The following PLEKHH2 variants were observed in gnomAD, a reference collection of about 807,000 sequenced individuals.
The protein encoded by PLEKHH2 is pleckstrin homology domain-containing family H member 2.
A neutral mutation model predicts 187.9 loss-of-function variants in PLEKHH2; 129 were observed. The ratio of observed to expected loss-of-function variants is 0.69; its 90% confidence interval spans 0.59 to 0.79. PLEKHH2 has a LOEUF of 0.79. Ranked by LOEUF, PLEKHH2 falls within the 30% of genes least tolerant of loss-of-function variation. The probability of loss-of-function intolerance (pLI) is 0.00; values close to 1 mark genes in which losing one functional copy is unlikely to be tolerated. For synonymous variants in PLEKHH2, 686 were observed against 605.6 expected (o/e 1.13, Z -1.95); for missense variants, 2,076 against 1,751.2 (o/e 1.19, Z -3.31).
chr2:43,680,979 T>A (rs1449083047), intron 3 of PLEKHH2: 1 of 1,160,518 alleles, frequency 8.6e-7, no homozygotes, highest in Admixed American at 2.5e-5. Flanking sequence ...CTAGTTTCCG[T>A]TACTGTTGTT....
chr2:43,753,731 G>A lies in PLEKHH2; in HGVS notation c.3766G>A (p.Ala1256Thr). Residue 1256 changes from alanine (A) to threonine (T), a missense_variant, in exon 25 of 30, where the codon GCA becomes ACA. Physicochemically the swap from Ala to Thr is moderately conservative, Grantham distance 58 (BLOSUM62 0). Transcript: ENST00000282406. ...ACTTTTTCCTCTGAACAAAGATCTG[G>A]CATTAGAAATGGCAGCTCTTTTATC... The part of the protein sequence containing the change: ...NGLFPLNKDL[A>T]LEMAALLSQV... The A allele has an allele frequency of 6.3e-7, 1 of 1,576,946 alleles. No homozygotes were observed. The highest frequency in any genetic ancestry group is 8.6e-7 in the Non-Finnish European group (1 of 1,166,024).
chr2:43,656,241 G>T (rs1430949682), intron 2 of PLEKHH2, among the ~76,000 whole-genome samples: 1 of 152,208 alleles, frequency 6.6e-6, no homozygotes, highest in East Asian at 1.9e-4. Context: ...ACAGGCATGA[G>T]TCACTGTGCC....
At chr2:43,746,533 TAC>T (rs10535859) in intron 24 of PLEKHH2, among the ~76,000 whole-genome samples, 64,363 of 150,254 alleles carry the variant, frequency 0.43, 16,683 homozygotes, top group African/African-American at 0.74. Flanking sequence ...AAACAAAAAA[TAC>T]ACACACACAC....
intron 3 of PLEKHH2, among the ~76,000 whole-genome samples, chr2:43,688,484 T>C (rs758395798): frequency 3.3e-5 from 5 of 152,200 alleles, no homozygotes; most frequent in South Asian, 4.1e-4. Flanking sequence ...TGATTATGTA[T>C]AGTGGACAGG....
rs981250432 is a variant in PLEKHH2 at position 43,692,716 on chromosome 2, A to G, written c.336+53A>G. 28 of 1,530,994 alleles carry G rather than the reference A, an allele frequency of 1.8e-5. No individual in the cohort carries two copies. In the African/African-American group the frequency reaches 3.8e-4, roughly 21 times the overall value. 94.8% of individuals were successfully genotyped at this position (1,530,994 alleles called of 1,614,324 possible). On this transcript the variant is annotated intron_variant, in intron 4 of 29. Coordinates refer to ENST00000282406, the MANE Select transcript of PLEKHH2 (RefSeq NM_172069.4). ...AAGTGTGTGCACTCATTTGTGCATA[A>G]TCACAAAGATTAAAAAGAGAGAGCC...
chr2:43,720,239 C>G (rs1022975546), intron 15 of PLEKHH2, among the ~76,000 whole-genome samples: 3 of 151,896 alleles, frequency 2.0e-5, no homozygotes, highest in Non-Finnish European at 4.4e-5. Flanking sequence ...TGGTGAGCAC[C>G]AAAGCAAAAC....
intron 2 of PLEKHH2, among the ~76,000 whole-genome samples, chr2:43,652,111 A>G (rs1666504548): frequency 6.6e-6 from 1 of 152,216 alleles, no homozygotes; most frequent in African/African-American, 2.4e-5. Context: ...CATAGATGCC[A>G]TAGCTGTTGG....
chr2:43,678,545 C>CA (rs1219378394), intron 2 of PLEKHH2, among the ~76,000 whole-genome samples: 2 of 152,056 alleles, frequency 1.3e-5, no homozygotes, highest in Non-Finnish European at 2.9e-5. Flanking sequence ...CCGTCTCCAC[C>CA]AAAAAAATAC....
intron 11 of PLEKHH2, among the ~76,000 whole-genome samples, chr2:43,709,654 G>C (rs1041960459): frequency 3.3e-5 from 5 of 152,150 alleles, no homozygotes; most frequent in African/African-American, 1.2e-4. Flanking sequence ...TGGCCAACAT[G>C]ATGAAACCCC....
At chr2:43,648,819 A>G (rs1666322374) in intron 2 of PLEKHH2, among the ~76,000 whole-genome samples, 1 of 151,286 alleles carries the variant, frequency 6.6e-6, no homozygotes, top group Non-Finnish European at 1.5e-5. Context: ...ACCTCAAGTG[A>G]TCCACCCATC....
Position 43,675,562 on chromosome 2 carries a change from T to A in PLEKHH2, c.124-3301T>A, listed in dbSNP as rs373495442. On this transcript the variant is annotated intron_variant, in intron 2 of 29. Coordinates refer to ENST00000282406, the MANE Select transcript of PLEKHH2 (RefSeq NM_172069.4). Reference sequence around the variant, plus strand: ...TTGCTGAGGGTTATTAGACAATGCCTCTTCAATAAGCTGTGCGATTGGTTT... The same window carrying A: ...TTGCTGAGGGTTATTAGACAATGCCACTTCAATAAGCTGTGCGATTGGTTT... The A allele has an allele frequency of 7.4e-6, 12 of 1,613,772 alleles. No individual in the cohort carries two copies. In the Middle Eastern group the frequency reaches 4.9e-4, roughly 66 times the overall value.
intron 14 of PLEKHH2, chr2:43,711,067 G>C: frequency 2.0e-6 from 2 of 987,158 alleles, no homozygotes; most frequent in Non-Finnish European, 2.4e-6. Flanking sequence ...CACACTGTAG[G>C]GGCAGCTGCT....
At chr2:43,687,824 T>G (rs1341810506) in intron 3 of PLEKHH2, among the ~76,000 whole-genome samples, 1 of 151,968 alleles carries the variant, frequency 6.6e-6, no homozygotes, top group Non-Finnish European at 1.5e-5. Context: ...CAAGACAGGG[T>G]CTTCCTCTGT....
Position 43,720,742 on chromosome 2 carries a change from A to G in PLEKHH2, c.2534A>G (p.Glu845Gly), listed in dbSNP as rs1368090385. 6.2e-7 allele frequency: 1 copy of G among 1,608,814 alleles called. No individual in the cohort carries two copies. The highest frequency in any genetic ancestry group is 2.2e-5 in the East Asian group (1 of 44,670). ...GKTLYYFRSQ[E>G]DKFPLGQIKL... ...ACATTATATTATTTTCGGAGTCAAG[A>G]AGATAAGGTATGTATGTATTTTTAA... The change falls in exon 16 of 30, where the codon GAA becomes GGA. Residue 845 changes from glutamate (E) to glycine (G), a missense_variant. Glu to Gly is a moderately conservative substitution (Grantham distance 98). Transcript: ENST00000282406.
At position 43,709,998 on chromosome 2, in the gene PLEKHH2, C is replaced by G; in HGVS notation, c.1975C>G (p.Leu659Val). 2 of 1,609,072 alleles carry G rather than the reference C, an allele frequency of 1.2e-6. No individual in the cohort carries two copies. The highest frequency in any genetic ancestry group is 1.7e-6 in the Non-Finnish European group (2 of 1,178,384). The change falls in exon 12 of 30, where the codon CTC (leucine) becomes GTC (valine). Residue 659 changes from leucine (L) to valine (V), a missense_variant. By Grantham distance (32) the Leu-to-Val change is conservative. Transcript: ENST00000282406. ...TTTCTTTGTTCTCTTAGGTGTGTCTCTCTCCTCTGTGGCTTCTGAAAGTGA... is the reference window on the plus strand; with the variant it reads ...TTTCTTTGTTCTCTTAGGTGTGTCTGTCTCCTCTGTGGCTTCTGAAAGTGA... ...SPRAMKRGVS[L>V]SSVASESDYA...
intron 27 of PLEKHH2, 131 bp from the exon 28 acceptor site, chr2:43,762,173 C>T (rs550597822): frequency 3.3e-5 from 22 of 673,404 alleles, no homozygotes; most frequent in African/African-American, 2.7e-4. Flanking sequence ...CTTTCCTAGG[C>T]GAGATTTTTA....
At chr2:43,704,339 C>T (rs1669541353) in intron 9 of PLEKHH2, among the ~76,000 whole-genome samples, 1 of 152,066 alleles carries the variant, frequency 6.6e-6, no homozygotes, top group Non-Finnish European at 1.5e-5. Context: ...TGTGAATACA[C>T]TTAACATTAC....
intron 20 of PLEKHH2, among the ~76,000 whole-genome samples, chr2:43,739,394 A>G (rs566867560): frequency 6.6e-6 from 1 of 152,284 alleles, no homozygotes; most frequent in South Asian, 2.1e-4. Context: ...TTTACTCTTC[A>G]ATGAACACCT....
chr2:43,725,849 G>T (rs1183050049), intron 16 of PLEKHH2, among the ~76,000 whole-genome samples: 1 of 152,076 alleles, frequency 6.6e-6, no homozygotes, highest in African/African-American at 2.4e-5. Flanking sequence ...GGTGGCTCAC[G>T]CTTGTGATCC....
Sources: allele counts gnomAD v4.1 joint callset (sites outside exome capture counted in the v4.1 genomes callset), GRCh38; gene constraint gnomAD v4.1.1; transcripts MANE v1.5; gene names NCBI Gene and HGNC (gene_info 2026-07-23, HGNC 2026-07-21).